The following NALF1 variants were observed in gnomAD, a reference collection of about 807,000 sequenced individuals.
NALF1 encodes the protein NALCN channel auxiliary factor 1.
Under a neutral mutation model 48.4 loss-of-function variants are expected in NALF1, and 3 were observed. The observed-to-expected ratio is 0.06, with a 90% CI of 0.03 to 0.16. NALF1 has a LOEUF of 0.16. Ranked by LOEUF, NALF1 falls within the 10% of genes least tolerant of loss-of-function variation. The pLI is 1.00. For synonymous variants in NALF1, 262 were observed against 245.7 expected, an observed-to-expected ratio of 1.07 and a Z score of -0.62; for missense variants, 526 against 571.5, an observed-to-expected ratio of 0.92 and a Z score of 0.81.
At chr13:107,630,825 A>G (rs1030122968) in intron 1 of NALF1, among the ~76,000 whole-genome samples, 11 of 152,130 alleles carry the variant, frequency 7.2e-5, no homozygotes, top group Admixed American at 1.3e-4. Context: ...TGTTAAGCAG[A>G]AACGTTGAGG....
At chr13:107,758,263 GCTAA>G (rs951136389) in intron 1 of NALF1, among the ~76,000 whole-genome samples, 15 of 152,226 alleles carry the variant, frequency 9.9e-5, no homozygotes, top group Non-Finnish European at 2.1e-4. Context: ...TGGGTGTTAG[GCTAA>G]CTAAACTGAA....
intron 1 of NALF1, among the ~76,000 whole-genome samples, chr13:107,749,128 T>TTGTGTGTGTG (rs58213843): frequency 0.04 from 5,910 of 147,376 alleles, 146 homozygotes; most frequent in South Asian, 0.068. Flanking sequence ...ATGTCTATAA[T>TTGTGTGTGTG]TGTGTGTGTG....
At position 107,216,025 on chromosome 13, in the gene NALF1, G is replaced by C. The variant is rs1259288404; in HGVS notation, c.916-5270C>G. On this transcript the variant is annotated intron_variant, in intron 1 of 2. Transcript: ENST00000375915. ...AAGAAAAATGTCAGATATTAAAAAT[G>C]GTTGTCAGCTTCAAATCAAGAGGCT... 4.6e-5 allele frequency among the ~76,000 whole-genome samples: 7 copies of C among 152,136 alleles called. No homozygotes were observed. In the East Asian group the frequency reaches 1.3e-3, roughly 29 times the overall value.
chr13:107,831,706 A>G (rs568274822), intron 1 of NALF1, among the ~76,000 whole-genome samples: 7 of 152,202 alleles, frequency 4.6e-5, no homozygotes, highest in Admixed American at 4.6e-4. Context: ...GAAGACATTT[A>G]AGCTTTGGAA....
intron 1 of NALF1, among the ~76,000 whole-genome samples, chr13:107,811,921 G>A (rs1277772990): frequency 1.3e-5 from 2 of 152,174 alleles, no homozygotes; most frequent in Non-Finnish European, 1.5e-5. Context: ...ACACATTCAA[G>A]CCATAGCAAC....
intron 1 of NALF1, among the ~76,000 whole-genome samples, chr13:107,246,931 A>C (rs1880597860): frequency 6.6e-6 from 1 of 152,172 alleles, no homozygotes; most frequent in Non-Finnish European, 1.5e-5. Flanking sequence ...CAGTTGGGTC[A>C]CACGTTAACA....
chr13:107,745,536 T>C (rs1167551957), intron 1 of NALF1, among the ~76,000 whole-genome samples: 4 of 152,194 alleles, frequency 2.6e-5, no homozygotes, highest in African/African-American at 4.8e-5. Flanking sequence ...CACAGATAAA[T>C]AATAAAAAAT....
intron 1 of NALF1, among the ~76,000 whole-genome samples, chr13:107,514,720 C>CA (rs1304208918): frequency 6.6e-6 from 1 of 152,054 alleles, no homozygotes; most frequent in Non-Finnish European, 1.5e-5. Flanking sequence ...TCAGAGATGT[C>CA]AAAAAATGTG....
chr13:107,172,259 A>ATT (rs573844946), intron 2 of NALF1, among the ~76,000 whole-genome samples: 177 of 152,306 alleles, frequency 1.2e-3, no homozygotes, highest in African/African-American at 3.4e-3. Context: ...AATTATAGCA[A>ATT]TTATTCTTAT....
intron 1 of NALF1, among the ~76,000 whole-genome samples, chr13:107,784,727 A>G (rs368960410): frequency 5.0e-4 from 76 of 152,292 alleles, no homozygotes; most frequent in African/African-American, 1.8e-3. Context: ...AAGAATGGCC[A>G]TAATCAAAAA....
intron 2 of NALF1, among the ~76,000 whole-genome samples, chr13:107,186,845 C>T (rs1879185547): frequency 6.6e-6 from 1 of 152,186 alleles, no homozygotes; most frequent in South Asian, 2.1e-4. Flanking sequence ...GGTTTATCTA[C>T]TCTGGGTTTC....
At chr13:107,669,946 C>T (rs142866758) in intron 1 of NALF1, among the ~76,000 whole-genome samples, 132 of 152,086 alleles carry the variant, frequency 8.7e-4, no homozygotes, top group Middle Eastern at 6.8e-3. Context: ...TCGACTCAAC[C>T]GAAATGATGT....
At chr13:107,236,510 C>T (rs1001866942) in intron 1 of NALF1, among the ~76,000 whole-genome samples, 5 of 152,042 alleles carry the variant, frequency 3.3e-5, no homozygotes, top group Non-Finnish European at 5.9e-5. Flanking sequence ...GTCCCCAGAG[C>T]GCATAATAAT....
At chr13:107,765,841 T>C in intron 1 of NALF1, among the ~76,000 whole-genome samples, 1 of 152,166 alleles carries the variant, frequency 6.6e-6, no homozygotes, top group East Asian at 1.9e-4. Flanking sequence ...GGGAATAAAG[T>C]ATTTAGAAAA....
intron 1 of NALF1, among the ~76,000 whole-genome samples, chr13:107,746,332 G>T (rs552101032): frequency 1.4e-4 from 21 of 152,244 alleles, no homozygotes; most frequent in African/African-American, 4.3e-4. Context: ...ATAGCAGCGT[G>T]AGAATAAATT....
intron 1 of NALF1, among the ~76,000 whole-genome samples, chr13:107,555,439 ATTTTTTTTTT>A (rs34486058): frequency 1.9e-3 from 132 of 69,968 alleles, no homozygotes; most frequent in African/African-American, 6.7e-3. Flanking sequence ...AGCCTGGCTA[ATTTTTTTTTT>A]TTTTTTTTTT....
chr13:107,714,458 A>C (rs1171353020), intron 1 of NALF1, among the ~76,000 whole-genome samples: 1 of 151,978 alleles, frequency 6.6e-6, no homozygotes, highest in Non-Finnish European at 1.5e-5. Flanking sequence ...CTTTGAGCTC[A>C]GGAGTTCGAG....
intron 1 of NALF1, among the ~76,000 whole-genome samples, chr13:107,607,912 T>C (rs962117034): frequency 5.9e-5 from 9 of 152,186 alleles, no homozygotes; most frequent in African/African-American, 9.7e-5. Context: ...ATTCCCCTAA[T>C]CTTCCTCTAC....
intron 2 of NALF1, among the ~76,000 whole-genome samples, chr13:107,176,470 A>G (rs573659769): frequency 7.9e-5 from 12 of 151,760 alleles, no homozygotes; most frequent in African/African-American, 2.2e-4. Flanking sequence ...GTGAAACCCC[A>G]TCTCTACTAA....
Sources: allele counts gnomAD v4.1 joint callset (sites outside exome capture counted in the v4.1 genomes callset), GRCh38; gene constraint gnomAD v4.1.1; transcripts MANE v1.5; gene names NCBI Gene and HGNC (gene_info 2026-07-23, HGNC 2026-07-21).